Variants in DNAH6 observed in about 807,000 individuals in gnomAD.
DNAH6 encodes axonemal beta dynein heavy chain 6.
DNAH6 carries 340 observed loss-of-function variants against 491.4 expected under a neutral mutation model. That is an observed-to-expected ratio of 0.69 (90% CI 0.63 to 0.76). The LOEUF is 0.76. Ranked by LOEUF, DNAH6 falls within the 30% of genes least tolerant of loss-of-function variation. The pLI is 0.00. For synonymous variants in DNAH6, 1,603 were observed against 1,686.1 expected, an observed-to-expected ratio of 0.95 and a Z score of 1.21; for missense variants, 4,443 against 4,972.2, an observed-to-expected ratio of 0.89 and a Z score of 3.20.
chr2:84,521,711 A>G (rs1247691630), intron 2 of DNAH6, among the ~76,000 whole-genome samples: 4 of 152,134 alleles, frequency 2.6e-5, no homozygotes, highest in Non-Finnish European at 2.9e-5. Context: ...TTATCCCAGT[A>G]CCATTTATTG....
intron 23 of DNAH6, among the ~76,000 whole-genome samples, chr2:84,619,122 G>C (rs1186287987): frequency 6.6e-6 from 1 of 152,166 alleles, no homozygotes; most frequent in Non-Finnish European, 1.5e-5. Context: ...AGCCTCACAT[G>C]GTTGGAAATG....
At chr2:84,498,858 A>G in the DNAH6 span, among the ~76,000 whole-genome samples, 1 of 151,958 alleles carries the variant, frequency 6.6e-6, no homozygotes, top group Non-Finnish European at 1.5e-5. Context: ...CTTATCTTTC[A>G]TCTTCCCAAT....
At chr2:84,578,179 A>C (rs905939320) in intron 13 of DNAH6, among the ~76,000 whole-genome samples, 16 of 152,230 alleles carry the variant, frequency 1.1e-4, no homozygotes, top group African/African-American at 3.9e-4. Context: ...TGTATAAAAA[A>C]GAGTGCAGAC....
intron 26 of DNAH6, among the ~76,000 whole-genome samples, chr2:84,623,500 A>G (rs535810785): frequency 2.6e-5 from 4 of 152,318 alleles, no homozygotes; most frequent in Admixed American, 2.0e-4. Flanking sequence ...ATATATTTAT[A>G]TGTAAATTTT....
rs772364253 is a variant in DNAH6 at position 84,621,182 on chromosome 2, A to T, written c.3793-9A>T. Reference sequence around the variant, plus strand: ...AAGCCACTTTATCAATGCTCTGATTACCTTTTAGGTTAGCTTGGGGAAAGG... The same window carrying T: ...AAGCCACTTTATCAATGCTCTGATTTCCTTTTAGGTTAGCTTGGGGAAAGG... On this transcript the variant is annotated splice_polypyrimidine_tract_variant and intron_variant, in intron 24 of 76. Coordinates refer to ENST00000389394, the MANE Select transcript of DNAH6 (RefSeq NM_001370.2). The T allele has an allele frequency of 6.4e-7, 1 of 1,551,208 alleles. No individual in the cohort carries two copies. Among genetic ancestry groups the T allele is most frequent in the Non-Finnish European group, 8.7e-7 (1 of 1,146,816 alleles).
the DNAH6 span, among the ~76,000 whole-genome samples, chr2:84,510,181 G>A: frequency 2.0e-5 from 3 of 152,158 alleles, no homozygotes; most frequent in African/African-American, 7.2e-5. Context: ...TTCCAACTTG[G>A]TTCCATTCTC....
chr2:84,644,297 G>T (rs555770602), intron 33 of DNAH6, among the ~76,000 whole-genome samples: 3 of 152,274 alleles, frequency 2.0e-5, no homozygotes, highest in Admixed American at 1.3e-4. Context: ...GTTAGGCTCT[G>T]ATTAACTCTC....
the DNAH6 span, among the ~76,000 whole-genome samples, chr2:84,498,650 A>G: frequency 6.6e-6 from 1 of 152,148 alleles, no homozygotes; most frequent in East Asian, 1.9e-4. Flanking sequence ...AAGCAAGAGC[A>G]CACTGCATTT....
the DNAH6 span, among the ~76,000 whole-genome samples, chr2:84,510,961 G>A: frequency 2.6e-5 from 4 of 152,188 alleles, no homozygotes; most frequent in Admixed American, 1.3e-4. Context: ...GTACCCGGCC[G>A]TGTGAGGTGT....
chr2:84,498,576 GA>G, the DNAH6 span, among the ~76,000 whole-genome samples: 1 of 152,094 alleles, frequency 6.6e-6, no homozygotes, highest in South Asian at 2.1e-4. Context: ...AAAACACCCA[GA>G]TTCAAGCCAA....
chr2:84,576,613 A>G (rs1324219888), intron 12 of DNAH6, among the ~76,000 whole-genome samples: 1 of 152,132 alleles, frequency 6.6e-6, no homozygotes, highest in East Asian at 1.9e-4. Context: ...TGCATTAGAG[A>G]GAGAGCTATT....
intron 14 of DNAH6, among the ~76,000 whole-genome samples, chr2:84,583,405 A>G (rs1371050653): frequency 6.6e-6 from 1 of 152,216 alleles, no homozygotes; most frequent in African/African-American, 2.4e-5. Context: ...AAAAGAGGAA[A>G]CATTTATAAG....
chr2:84,654,875 T>A (rs1690795954), intron 35 of DNAH6, 93 bp downstream of exon 35: 1 of 1,386,904 alleles, frequency 7.2e-7, no homozygotes, highest in Non-Finnish European at 9.8e-7. Context: ...GGACTCATGG[T>A]TCTTGATTGA....
At chr2:84,552,166 ATGT>A (rs1024657944) in intron 9 of DNAH6, among the ~76,000 whole-genome samples, 5 of 152,154 alleles carry the variant, frequency 3.3e-5, no homozygotes, top group Non-Finnish European at 7.3e-5. Flanking sequence ...CTGCTTTCAA[ATGT>A]TGTATTCTTC....
chr2:84,769,458 T>C (rs900940725), intron 64 of DNAH6, among the ~76,000 whole-genome samples: 8 of 152,250 alleles, frequency 5.3e-5, no homozygotes, highest in Non-Finnish European at 8.8e-5. Context: ...ACCAAGTGAA[T>C]GCTTAATAAA....
chr2:84,717,047 C>A (rs1697603396), intron 58 of DNAH6, among the ~76,000 whole-genome samples: 1 of 152,144 alleles, frequency 6.6e-6, no homozygotes, highest in South Asian at 2.1e-4. Context: ...TGGAAAATGC[C>A]AACCACAATG....
chr2:84,583,021 C>G (rs1457225737), intron 14 of DNAH6, among the ~76,000 whole-genome samples: 2 of 152,224 alleles, frequency 1.3e-5, no homozygotes, highest in African/African-American at 2.4e-5. Flanking sequence ...TGGCTGCTCC[C>G]TCTATAACCA....
chr2:84,743,974 C>G (rs997300315), intron 62 of DNAH6, among the ~76,000 whole-genome samples: 1 of 152,158 alleles, frequency 6.6e-6, no homozygotes, highest in Non-Finnish European at 1.5e-5. Context: ...ATACATGGTT[C>G]TGCTACCTGG....
intron 41 of DNAH6, among the ~76,000 whole-genome samples, chr2:84,678,545 A>G (rs1693473486): frequency 6.6e-6 from 1 of 152,152 alleles, no homozygotes; most frequent in South Asian, 2.1e-4. Context: ...CAGGTTTATG[A>G]CTACAAAAAC....
Sources: allele counts gnomAD v4.1 joint callset (sites outside exome capture counted in the v4.1 genomes callset), GRCh38; gene constraint gnomAD v4.1.1; transcripts MANE v1.5; gene names NCBI Gene and HGNC (gene_info 2026-07-23, HGNC 2026-07-21).